RAB27A: variants seen among roughly 807,000 people sequenced by gnomAD.
RAB27A encodes the protein ras-related protein Rab-27A.
In RAB27A, 17 loss-of-function variants were observed where a neutral mutation model predicts 20.8. That is an observed-to-expected ratio of 0.82 (90% CI 0.56 to 1.23). The LOEUF (loss-of-function observed/expected upper bound fraction) is 1.23. Ranked by LOEUF, RAB27A falls within the 50% of genes most tolerant of loss-of-function variation. RAB27A has a pLI of 0.00. For synonymous variants in RAB27A, 85 were observed against 92.8 expected, an observed-to-expected ratio of 0.92 and a Z score of 0.48; for missense variants, 277 against 266.7, an observed-to-expected ratio of 1.04 and a Z score of -0.27.
intron 2 of RAB27A, among the ~76,000 whole-genome samples, chr15:55,256,317 G>C (rs1195362701): frequency 1.3e-5 from 2 of 152,196 alleles, no homozygotes; most frequent in African/African-American, 2.4e-5. Flanking sequence ...AGAAGGCTGA[G>C]GTGGGAGGAT....
chr15:55,295,465 T>A (rs543723342), intron 2 of RAB27A, among the ~76,000 whole-genome samples: 1 of 152,294 alleles, frequency 6.6e-6, no homozygotes, highest in East Asian at 1.9e-4. Context: ...CACCAAGGAA[T>A]GAATAAACAA....
chr15:55,296,601 A>C (rs1053345034), intron 2 of RAB27A, among the ~76,000 whole-genome samples: 1 of 152,238 alleles, frequency 6.6e-6, no homozygotes, highest in Non-Finnish European at 1.5e-5. Context: ...TGACATGCAA[A>C]GGACACAGGA....
intron 1 of RAB27A, among the ~76,000 whole-genome samples, chr15:55,276,002 T>C (rs977081962): frequency 6.7e-6 from 1 of 149,254 alleles, no homozygotes; most frequent in Admixed American, 6.7e-5. Context: ...TTGGTGGGAA[T>C]ACAAATTGGT....
intron 6 of RAB27A, among the ~76,000 whole-genome samples, chr15:55,218,013 G>A (rs12440497): frequency 0.12 from 18,705 of 152,180 alleles, 1,454 homozygotes; most frequent in Admixed American, 0.2. Flanking sequence ...TGCTTGTGGC[G>A]TAGGTCAGCA....
At chr15:55,283,615 A>C (rs1898074731) in intron 1 of RAB27A, among the ~76,000 whole-genome samples, 1 of 152,232 alleles carries the variant, frequency 6.6e-6, no homozygotes, top group Admixed American at 6.5e-5. Flanking sequence ...ACACCTCTTC[A>C]CTCATTCTTG....
At chr15:55,317,554 C>G (rs2055058299) in intron 1 of RAB27A, 2 of 371,414 alleles carry the variant, frequency 5.4e-6, no homozygotes, top group Non-Finnish European at 9.6e-6. Flanking sequence ...ACCACCTGAT[C>G]CACCCGCCTC....
intron 2 of RAB27A, among the ~76,000 whole-genome samples, chr15:55,261,254 A>G (rs1432472783): frequency 1.3e-5 from 2 of 151,604 alleles, no homozygotes; most frequent in Admixed American, 6.6e-5. Context: ...AAAATTAGCC[A>G]GGCGCGGTGG....
intron 5 of RAB27A, among the ~76,000 whole-genome samples, chr15:55,224,941 T>G (rs1266344149): frequency 6.6e-6 from 1 of 152,236 alleles, no homozygotes; most frequent in African/African-American, 2.4e-5. Context: ...AGGTGTTTAC[T>G]GAGCATTAGC....
chr15:55,241,612 A>ATATATATGTG (rs1566915305), intron 2 of RAB27A, among the ~76,000 whole-genome samples: 2 of 129,084 alleles, frequency 1.5e-5, no homozygotes, highest in African/African-American at 8.4e-5. Flanking sequence ...ATATATATAT[A>ATATATATGTG]TATATATATA....
At chr15:55,213,866 T>C (rs1265787764) in intron 6 of RAB27A, among the ~76,000 whole-genome samples, 1 of 152,190 alleles carries the variant, frequency 6.6e-6, no homozygotes, top group East Asian at 1.9e-4. Flanking sequence ...GTAATGATAA[T>C]AGAAATAAAG....
chr15:55,219,870 C>T (rs1895482440), intron 6 of RAB27A, among the ~76,000 whole-genome samples: 2 of 151,958 alleles, frequency 1.3e-5, no homozygotes, highest in African/African-American at 4.8e-5. Context: ...AATTGGTTTA[C>T]CACAGAGATC....
intron 1 of RAB27A, among the ~76,000 whole-genome samples, chr15:55,276,191 T>C (rs1897869826): frequency 6.6e-6 from 1 of 152,186 alleles, no homozygotes; most frequent in African/African-American, 2.4e-5. Flanking sequence ...TTATTCACAA[T>C]AGCCAAGACT....
intron 2 of RAB27A, among the ~76,000 whole-genome samples, chr15:55,256,651 GC>G (rs1897090811): frequency 6.6e-6 from 1 of 152,200 alleles, no homozygotes; most frequent in Non-Finnish European, 1.5e-5. Context: ...TACAAAACTG[GC>G]TGTAAACTCA....
chr15:55,304,241 T>A (rs2054988077), intron 2 of RAB27A, among the ~76,000 whole-genome samples: 1 of 151,214 alleles, frequency 6.6e-6, no homozygotes, highest in Non-Finnish European at 1.5e-5. Context: ...AGATGTGCTT[T>A]GTTAAACAGA....
At chr15:55,259,707 A>C (rs771160363) in intron 2 of RAB27A, among the ~76,000 whole-genome samples, 19 of 152,198 alleles carry the variant, frequency 1.2e-4, no homozygotes, top group Non-Finnish European at 2.1e-4. Flanking sequence ...ATCCAATTTC[A>C]TTATTTTTCC....
intron 6 of RAB27A, among the ~76,000 whole-genome samples, chr15:55,208,490 T>C (rs1394086283): frequency 6.6e-6 from 1 of 152,212 alleles, no homozygotes; most frequent in African/African-American, 2.4e-5. Flanking sequence ...CATATCATCC[T>C]TCTGTTCTGC....
chr15:55,224,069 G>C (rs1428674732), intron 5 of RAB27A, 57 bp from the exon 6 acceptor site: 1 of 1,366,458 alleles, frequency 7.3e-7, no homozygotes, highest in Non-Finnish European at 1.0e-6. Flanking sequence ...TGTATGATCA[G>C]TGAACAATAC....
intron 1 of RAB27A, among the ~76,000 whole-genome samples, chr15:55,285,800 T>C (rs962758153): frequency 6.6e-6 from 1 of 152,204 alleles, no homozygotes; most frequent in African/African-American, 2.4e-5. Flanking sequence ...TTCCATTTTC[T>C]CAAATTTCCA....
At chr15:55,319,109 T>C (rs1197954663) in exon 1 of RAB27A, 3 of 989,070 alleles carry the variant, frequency 3.0e-6, no homozygotes, top group Non-Finnish European at 4.3e-6. Context: ...GGCCACCACG[T>C]CGGGTGGGAG....
Sources: allele counts gnomAD v4.1 joint callset (sites outside exome capture counted in the v4.1 genomes callset), GRCh38; gene constraint gnomAD v4.1.1; transcripts MANE v1.5; gene names NCBI Gene and HGNC (gene_info 2026-07-23, HGNC 2026-07-21).